The following FUCA2 variants were observed in gnomAD, a reference collection of about 807,000 sequenced individuals.
FUCA2 encodes alpha-L-fucosidase 2.
A neutral mutation model predicts 52.6 loss-of-function variants in FUCA2; 41 were observed. The observed-to-expected ratio is 0.78, with a 90% CI of 0.61 to 1.01. The LOEUF is 1.01. Among genes scored for constraint, FUCA2 ranks in the 50% least tolerant of loss-of-function variants. The pLI is 0.00. For synonymous variants in FUCA2, 211 were observed against 217.3 expected (o/e 0.97, Z 0.26); for missense variants, 507 against 569.5 (o/e 0.89, Z 1.12).
intron 1 of FUCA2, among the ~76,000 whole-genome samples, chr6:143,508,503 G>A (rs572391806): frequency 1.3e-5 from 2 of 152,234 alleles, no homozygotes; most frequent in Non-Finnish European, 2.9e-5. Context: ...CAGGCATGCT[G>A]TTTGCCTGCC....
chr6:143,498,508 G>A (rs1024570417), intron 5 of FUCA2, among the ~76,000 whole-genome samples: 1 of 152,150 alleles, frequency 6.6e-6, no homozygotes, highest in African/African-American at 2.4e-5. Context: ...CACCACGGGA[G>A]CGTCTGGGGA....
chr6:143,503,882 G>A lies in FUCA2; in HGVS notation c.752+31C>T. 1.3e-6 allele frequency: 2 copies of A among 1,482,688 alleles called. No homozygotes were observed. Among genetic ancestry groups the A allele is most frequent in the Non-Finnish European group, 1.9e-6 (2 of 1,078,580 alleles). 91.8% of individuals were successfully genotyped at this position (1,482,688 alleles called of 1,614,324 possible). On this transcript the variant is annotated intron_variant, in intron 3 of 6. Transcript: ENST00000002165. The surrounding 1 kb of genome is among the most constrained non-coding windows in gnomAD (Gnocchi z 4.8). Reference sequence around the variant, plus strand: ...TTAGAAATATATTAGGAATATGGAGGGTAACTGCAGCAATCTCATAGCATA... The same window carrying A: ...TTAGAAATATATTAGGAATATGGAGAGTAACTGCAGCAATCTCATAGCATA...
In FUCA2 at chr6:143,495,993, C is replaced by T. The variant is rs997294624; in HGVS notation, c.1264-146G>A. 1.3e-6 allele frequency: 1 copy of T among 742,944 alleles called. No homozygotes were observed. Among genetic ancestry groups the T allele is most frequent in the African/African-American group, 1.8e-5 (1 of 56,612 alleles). The allele number at this position is 742,944 out of a possible 1,614,324, so 46.0% of individuals were successfully genotyped here. ...CTTTATTTAGTGATTCACAATCACT[C>T]TTCATCCAATTGAGTGTATGTATCT... is the stretch of plus-strand genomic sequence containing the variant. On this transcript the variant is annotated intron_variant, in intron 6 of 6. Coordinates refer to ENST00000002165, the MANE Select transcript of FUCA2 (RefSeq NM_032020.5). This position sits in a 1 kb window ranked among gnomAD's most constrained non-coding sequence, Gnocchi z 5.2.
At position 143,497,095 on chromosome 6, in the gene FUCA2, G is replaced by A. The variant is rs1436528195; in HGVS notation, c.1263+294C>T. 3.7e-6 allele frequency: 1 copy of A among 270,324 alleles called. No homozygotes were observed. Among genetic ancestry groups the A allele is most frequent in the Admixed American group, 4.8e-5 (1 of 20,658 alleles). The allele number at this position is 270,324 out of a possible 1,614,324, so 16.7% of individuals were successfully genotyped here. A position where few individuals can be genotyped will look rare whatever the true frequency, so the allele number is the denominator to read the frequency against. On this transcript the variant is annotated intron_variant, in intron 6 of 6. Transcript: ENST00000002165. This position sits in a 1 kb window ranked among gnomAD's most constrained non-coding sequence, Gnocchi z 5.3. Reference sequence around the variant, plus strand: ...CTGCCTCAGCCTCCTGAGTAACTAGGACTACAGGTGCGTGCCACCATGCTC... The same window carrying A: ...CTGCCTCAGCCTCCTGAGTAACTAGAACTACAGGTGCGTGCCACCATGCTC...
In FUCA2 at chr6:143,497,103, G is replaced by GCGTGCCA; in HGVS notation, c.1263+285_1263+286insTGGCACG. The GCGTGCCA allele has an allele frequency of 3.2e-6, 1 of 309,214 alleles. No individual in the cohort carries two copies. The highest frequency in any genetic ancestry group is 7.6e-5 in the East Asian group (1 of 13,138). 19.2% of individuals were successfully genotyped at this position (309,214 alleles called of 1,614,324 possible). ...GCCTCCTGAGTAACTAGGACTACAG[G>GCGTGCCA]TGCGTGCCACCATGCTCAGCTAACT... On this transcript the variant is annotated intron_variant, in intron 6 of 6. Coordinates refer to ENST00000002165, the MANE Select transcript of FUCA2 (RefSeq NM_032020.5). The surrounding 1 kb of genome is among the most constrained non-coding windows in gnomAD (Gnocchi z 5.3).
chr6:143,497,313 T>C lies in FUCA2; in HGVS notation c.1263+76A>G, dbSNP rs1442791667. ...AGTATAAGTGAAACAGTTATAAGGC[T>C]CCCCTTAAAAGTTAATGTTTGCATC... On this transcript the variant is annotated intron_variant, in intron 6 of 6. Transcript: ENST00000002165. This position sits in a 1 kb window ranked among gnomAD's most constrained non-coding sequence, Gnocchi z 5.3. 4.3e-6 allele frequency: 4 copies of C among 922,934 alleles called. No individual in the cohort carries two copies. The highest frequency in any genetic ancestry group is 7.2e-6 in the Non-Finnish European group (4 of 557,174). 57.2% of individuals were successfully genotyped at this position (922,934 alleles called of 1,614,324 possible).
rs568712979 is a variant in FUCA2 at position 143,504,098 on chromosome 6, C to A, written c.567G>T (p.Pro189=). Residue 189 remains proline, a synonymous_variant, in exon 3 of 7, where the codon CCG becomes CCT. Coordinates refer to ENST00000002165, the MANE Select transcript of FUCA2 (RefSeq NM_032020.5). The surrounding 1 kb of genome is among the most constrained non-coding windows in gnomAD (Gnocchi z 4.4). ...LYYSLFEWFH[P]LFLEDESSSF... ...AACTGGATTCATCCTCAAGGAAGAG[C>A]GGATGAAACCATTCAAAAAGGGAAT... The A allele has an allele frequency of 6.2e-7, 1 of 1,614,120 alleles. No homozygotes were observed. The highest frequency in any genetic ancestry group is 8.5e-7 in the Non-Finnish European group (1 of 1,180,030).
rs1780660036 is a variant in FUCA2 at position 143,509,898 on chromosome 6, G to A, written c.224+1513C>T. ...CTTTGTCATGAAAGGGTTAAAATATGCTATTTTGGCACATTTTTAAAGGTA... is the reference window on the plus strand; with the variant it reads ...CTTTGTCATGAAAGGGTTAAAATATACTATTTTGGCACATTTTTAAAGGTA... On this transcript the variant is annotated intron_variant, in intron 1 of 6. Coordinates refer to ENST00000002165, the MANE Select transcript of FUCA2 (RefSeq NM_032020.5). The surrounding 1 kb of genome is among the most constrained non-coding windows in gnomAD (Gnocchi z 5.4). 6.6e-6 allele frequency among the ~76,000 whole-genome samples: 1 copy of A among 152,166 alleles called. No homozygotes were observed. Among genetic ancestry groups the A allele is most frequent in the Non-Finnish European group, 1.5e-5 (1 of 68,022 alleles).
At chr6:143,505,823 T>C (rs1780598178) in intron 2 of FUCA2, 1 of 152,210 alleles carries the variant, frequency 6.6e-6, no homozygotes, top group African/African-American at 2.4e-5. Flanking sequence ...CTTCCTGAGC[T>C]TAGTATGCAT....
chr6:143,506,003 AT>A (rs1562666057), intron 2 of FUCA2: 2 of 152,180 alleles, frequency 1.3e-5, no homozygotes, highest in Admixed American at 1.3e-4. Flanking sequence ...GGAAATCAGC[AT>A]GTTCTCAAGC....
In FUCA2 at chr6:143,501,780, C is replaced by G. The variant is rs1441696756; in HGVS notation, c.1154+152G>C. On this transcript the variant is annotated intron_variant, in intron 5 of 6. Transcript: ENST00000002165. This position sits in a 1 kb window ranked among gnomAD's most constrained non-coding sequence, Gnocchi z 6.1. Reference sequence around the variant, plus strand: ...TCAAAACATGCAAATTCTTCCCCTTCTCTTTATATTAGAGTAAGCAAAGTT... The same window carrying G: ...TCAAAACATGCAAATTCTTCCCCTTGTCTTTATATTAGAGTAAGCAAAGTT... The G allele has an allele frequency of 1.7e-6, 1 of 593,112 alleles. No homozygotes were observed. The highest frequency in any genetic ancestry group is 2.8e-6 in the Non-Finnish European group (1 of 351,526). The allele number at this position is 593,112 out of a possible 1,614,324, so 36.7% of individuals were successfully genotyped here. A position where few individuals can be genotyped will look rare whatever the true frequency, so the allele number is the denominator to read the frequency against.
Position 143,501,883 on chromosome 6 carries a change from T to G in FUCA2, c.1154+49A>C. 6.7e-7 allele frequency: 1 copy of G among 1,499,298 alleles called. No homozygotes were observed. Among genetic ancestry groups the G allele is most frequent in the Non-Finnish European group, 9.1e-7 (1 of 1,097,100 alleles). 92.9% of individuals were successfully genotyped at this position (1,499,298 alleles called of 1,614,324 possible). ...CTCTTCTTTATATGTCTGATAAATT[T>G]TAAATCTCTTCCTTTATAAAAGAGT... On this transcript the variant is annotated intron_variant, in intron 5 of 6. Transcript: ENST00000002165. This position sits in a 1 kb window ranked among gnomAD's most constrained non-coding sequence, Gnocchi z 6.1.
At position 143,507,592 on chromosome 6, in the gene FUCA2, C is replaced by A. The variant is rs1369866359; in HGVS notation, c.225-168G>T. ...TTAAAGATAGCTTATGCAAACTAAA[C>A]CCCCTCTCATTTTCCACCTATCCCC... On this transcript the variant is annotated intron_variant, in intron 1 of 6. Coordinates refer to ENST00000002165, the MANE Select transcript of FUCA2 (RefSeq NM_032020.5). The surrounding 1 kb of genome is among the most constrained non-coding windows in gnomAD (Gnocchi z 4.5). Among the ~76,000 whole-genome samples the A allele has an allele frequency of 6.6e-6, 1 of 151,830 alleles. No individual in the cohort carries two copies. The highest frequency in any genetic ancestry group is 2.4e-5 in the African/African-American group (1 of 41,292).
In FUCA2 at chr6:143,501,509, C is replaced by G. The variant is rs1011214246; in HGVS notation, c.1154+423G>C. Among the ~76,000 whole-genome samples the G allele has an allele frequency of 3.9e-5, 6 of 152,174 alleles. No homozygotes were observed. The highest frequency in any genetic ancestry group is 9.6e-5 in the African/African-American group (4 of 41,458). On this transcript the variant is annotated intron_variant, in intron 5 of 6. Coordinates refer to ENST00000002165, the MANE Select transcript of FUCA2 (RefSeq NM_032020.5). The surrounding 1 kb of genome is among the most constrained non-coding windows in gnomAD (Gnocchi z 6.1). ...CTCCCTATTTTGATTCATTTTTAAT[C>G]TAACATTTTCTCTGCCATTGGGTAC...
rs1780449742 is a variant in FUCA2 at position 143,495,741 on chromosome 6, C to G, written c.1370G>C (p.Trp457Ser). ...ATTAGTCAGGGCTAGAGCCCAGCCC[C>G]ATTTACACGGCATCTGATGAATGGT... is the stretch of plus-strand genomic sequence containing the variant. ...QLTIHQMPCK[W>S]GWALALTNVI Residue 457 changes from tryptophan to serine, a missense_variant, in exon 7 of 7, where the codon TGG becomes TCG. Trp to Ser is a radical substitution (Grantham distance 177, BLOSUM62 -3). Transcript: ENST00000002165. This position sits in a 1 kb window ranked among gnomAD's most constrained non-coding sequence, Gnocchi z 5.2. 1 of 1,614,066 alleles carries G rather than the reference C, an allele frequency of 6.2e-7. No homozygotes were observed. The highest frequency in any genetic ancestry group is 1.1e-5 in the South Asian group (1 of 91,078).
chr6:143,511,368 G>T lies in FUCA2; in HGVS notation c.224+43C>A. The T allele has an allele frequency of 6.5e-7, 1 of 1,538,918 alleles. No homozygotes were observed. The highest frequency in any genetic ancestry group is 8.8e-7 in the Non-Finnish European group (1 of 1,132,354). On this transcript the variant is annotated intron_variant, in intron 1 of 6. Transcript: ENST00000002165. This position sits in a 1 kb window ranked among gnomAD's most constrained non-coding sequence, Gnocchi z 6.3. ...GGGTGGTGGCTGGAGGCTGCGGGTG[G>T]GGACAAAAGCGCGGCAGACGAGACA...
chr6:143,506,618 GGA>G (rs1780611995), intron 2 of FUCA2: 1 of 152,098 alleles, frequency 6.6e-6, no homozygotes, highest in South Asian at 2.1e-4. Context: ...GGTAATGGGT[GGA>G]ATCCATTCTA....
chr6:143,496,061 T>A (rs982962186), intron 6 of FUCA2, among the ~76,000 whole-genome samples: 1 of 152,128 alleles, frequency 6.6e-6, no homozygotes, highest in African/African-American at 2.4e-5. Context: ...AAGAGGGAAA[T>A]AGAAGTGTGC....
At position 143,511,553 on chromosome 6, in the gene FUCA2, C is replaced by T. The variant is rs1456238303; in HGVS notation, c.82G>A (p.Ala28Thr). ...LLLLPPPPCP[A>T]HSATRFDPTW... ...GGGTCGAAGCGCGTGGCGCTGTGGG[C>T]AGGGCACGGCGGCGGCGGCAGCAGC... The change falls in exon 1 of 7, where the codon GCC becomes ACC. Residue 28 changes from alanine to threonine, a missense_variant. Coordinates refer to ENST00000002165, the MANE Select transcript of FUCA2 (RefSeq NM_032020.5). This position sits in a 1 kb window ranked among gnomAD's most constrained non-coding sequence, Gnocchi z 6.3. The T allele has an allele frequency of 4.4e-6, 7 of 1,575,166 alleles. No individual in the cohort carries two copies. The East Asian group carries it at 7.1e-5, about 16-fold the overall frequency.
Sources: allele counts gnomAD v4.1 joint callset (sites outside exome capture counted in the v4.1 genomes callset), GRCh38; gene constraint gnomAD v4.1.1; non-coding constraint Gnocchi (gnomAD v3.1); transcripts MANE v1.5; gene names NCBI Gene and HGNC (gene_info 2026-07-23, HGNC 2026-07-21).